Variants in IFT74 observed in about 807,000 individuals in gnomAD.
IFT74 encodes the protein intraflagellar transport protein 74 homolog.
IFT74 carries 92 observed loss-of-function variants against 96.7 expected under a neutral mutation model. The ratio of observed to expected loss-of-function variants is 0.95; its 90% CI spans 0.80 to 1.13. The LOEUF (loss-of-function observed/expected upper bound fraction) is 1.13. IFT74 is among the 50% of genes most tolerant of loss of function. The pLI, the probability that IFT74 is intolerant of heterozygous loss-of-function variation, is 0.00. For missense variants in IFT74, 811 were observed against 698.2 expected (o/e 1.16, Z -1.82); for synonymous variants, 223 against 213.2 (o/e 1.05, Z -0.40).
intron 9 of IFT74, among the ~76,000 whole-genome samples, chr9:27,010,020 C>T (rs1042828350): frequency 8.6e-5 from 13 of 150,374 alleles, no homozygotes; most frequent in South Asian, 2.1e-4. Flanking sequence ...GACGGAGTCT[C>T]GCTCTGTCGC....
chr9:27,011,081 T>C (rs1587349436), intron 9 of IFT74, among the ~76,000 whole-genome samples: 2 of 152,238 alleles, frequency 1.3e-5, no homozygotes, highest in South Asian at 4.1e-4. Flanking sequence ...GGTGAAACCC[T>C]GTCTCTACTA....
chr9:27,060,430 C>G (rs1292411369), intron 18 of IFT74, among the ~76,000 whole-genome samples, 161 bp from the exon 19 acceptor site: 1 of 151,140 alleles, frequency 6.6e-6, no homozygotes, highest in Admixed American at 6.6e-5. Context: ...AATATATTTA[C>G]TATTATTTAA....
intron 17 of IFT74, 98 bp downstream of exon 17, chr9:27,055,870 TTGA>T: frequency 1.4e-6 from 1 of 731,946 alleles, no homozygotes. Context: ...TTATTTTAAG[TTGA>T]TTATTTTATA....
chr9:27,023,484 C>T (rs959980629), intron 12 of IFT74, among the ~76,000 whole-genome samples: 3 of 152,144 alleles, frequency 2.0e-5, no homozygotes, highest in Non-Finnish European at 2.9e-5. Flanking sequence ...TATGTTCACT[C>T]ATCCCTGCAT....
intron 8 of IFT74, among the ~76,000 whole-genome samples, chr9:26,992,006 C>T (rs962186363): frequency 7.9e-5 from 12 of 151,342 alleles, no homozygotes; most frequent in Non-Finnish European, 4.4e-5. Flanking sequence ...CACTGCACTC[C>T]AGCCTGGTGA....
intron 13 of IFT74, 65 bp downstream of exon 13, chr9:27,029,169 C>T: frequency 2.4e-6 from 3 of 1,272,786 alleles, no homozygotes; most frequent in Admixed American, 2.2e-5. Flanking sequence ...ATAGTGTTAA[C>T]TGGTGTCTCA....
chr9:26,988,113 C>T (rs573059093), intron 6 of IFT74, among the ~76,000 whole-genome samples: 3 of 152,054 alleles, frequency 2.0e-5, no homozygotes, highest in East Asian at 1.9e-4. Flanking sequence ...CCACCACACC[C>T]GGCTAATTTT....
intron 13 of IFT74, among the ~76,000 whole-genome samples, chr9:27,038,950 T>A (rs9644870): frequency 1.3e-5 from 2 of 152,080 alleles, no homozygotes; most frequent in African/African-American, 2.4e-5. Flanking sequence ...TGTTCCCAAC[T>A]AAAGCCGTCT....
intron 4 of IFT74, 76 bp from the exon 5 acceptor site, chr9:26,984,181 G>A: frequency 8.8e-7 from 1 of 1,135,244 alleles, no homozygotes. Context: ...ACGTATTAAT[G>A]GAAAGTTTAA....
chr9:27,020,415 TA>T (rs1752212885), intron 12 of IFT74, among the ~76,000 whole-genome samples: 1 of 151,926 alleles, frequency 6.6e-6, no homozygotes, highest in African/African-American at 2.4e-5. Context: ...GCTAAGAGAA[TA>T]TTTTTTTCTT....
chr9:27,007,143 C>G (rs938862691), intron 8 of IFT74, among the ~76,000 whole-genome samples: 1 of 152,052 alleles, frequency 6.6e-6, no homozygotes, highest in African/African-American at 2.4e-5. Flanking sequence ...AGCCTGTTTA[C>G]TTACTTTTAT....
Position 26,988,705 on chromosome 9 carries a change from G to A in IFT74, c.502G>A (p.Glu168Lys). 1 of 1,542,470 alleles carries A rather than the reference G, an allele frequency of 6.5e-7. No individual in the cohort carries two copies. The highest frequency in any genetic ancestry group is 2.3e-5 in the East Asian group (1 of 43,858). The change falls in exon 7 of 20, where the codon GAA (glutamate) becomes AAA (lysine). Residue 168 changes from glutamate (E) to lysine (K), a missense_variant. Coordinates refer to ENST00000380062, the MANE Select transcript of IFT74 (RefSeq NM_025103.4). ...ACTTAATACCAACACTGAAATGGAA[G>A]AAGTAATGAATGATTACAATATGGT... ...DKLNTNTEME[E>K]VMNDYNMLKA... is the part of the protein sequence containing the mutation.
At chr9:27,041,687 C>A (rs2131674422) in intron 13 of IFT74, among the ~76,000 whole-genome samples, 1 of 152,208 alleles carries the variant, frequency 6.6e-6, no homozygotes, top group African/African-American at 2.4e-5. Context: ...TCATCCTGTC[C>A]TGTGATATTG....
rs537261070 is a variant in IFT74, at chr9:26,960,228, A to T, written c.-19-1721A>T. On this transcript the variant is annotated intron_variant, in intron 1 of 19. Transcript: ENST00000380062. ...CTTTGCTTTCTGGGCCTTAATTTTC[A>T]GTCTCTCATACTAGATTTTCCTCTT... is the stretch of plus-strand genomic sequence containing the variant. 7.9e-5 allele frequency among the ~76,000 whole-genome samples: 12 copies of T among 151,950 alleles called. No homozygotes were observed. The East Asian group carries it at 2.3e-3, about 29-fold the overall frequency.
intron 9 of IFT74, among the ~76,000 whole-genome samples, chr9:27,010,102 C>T (rs1338296535): frequency 6.6e-6 from 1 of 151,878 alleles, no homozygotes; most frequent in Non-Finnish European, 1.5e-5. Context: ...ATTCTCCTGC[C>T]TCAGCCTCCC....
chr9:26,974,240 C>T (rs1827001992), intron 2 of IFT74, among the ~76,000 whole-genome samples: 1 of 152,144 alleles, frequency 6.6e-6, no homozygotes, highest in East Asian at 1.9e-4. Context: ...TTTGTTTTTG[C>T]TTTTCTGCGT....
chr9:27,043,894 G>A (rs1239534974), intron 13 of IFT74, among the ~76,000 whole-genome samples: 1 of 152,010 alleles, frequency 6.6e-6, no homozygotes, highest in African/African-American at 2.4e-5. Flanking sequence ...CTTTCTAACT[G>A]GTTTTATTGC....
chr9:26,998,113 C>T, intron 8 of IFT74: 1 of 1,613,132 alleles, frequency 6.2e-7, no homozygotes, highest in Admixed American at 1.7e-5. Context: ...AAAAGTATGT[C>T]TGTAGAACTC....
chr9:27,027,222 C>CT (rs1344081744), intron 12 of IFT74, among the ~76,000 whole-genome samples: 3 of 151,620 alleles, frequency 2.0e-5, no homozygotes, highest in African/African-American at 7.3e-5. Flanking sequence ...TTAGAGGAGA[C>CT]GGATAGATTC....
Sources: allele counts gnomAD v4.1 joint callset (sites outside exome capture counted in the v4.1 genomes callset), GRCh38; gene constraint gnomAD v4.1.1; transcripts MANE v1.5; gene names NCBI Gene and HGNC (gene_info 2026-07-23, HGNC 2026-07-21).